CSMD1: variants seen among roughly 807,000 people sequenced by gnomAD.
CSMD1 encodes CUB and Sushi multiple domains 1.
Under a neutral mutation model 417.5 loss-of-function variants are expected in CSMD1, and 213 were observed. That is an observed-to-expected ratio of 0.51 (90% CI 0.46 to 0.57). CSMD1 has a LOEUF of 0.57. CSMD1 is among the 20% of genes least tolerant of loss of function. CSMD1 has a pLI of 0.00. For synonymous variants in CSMD1, 2,862 were observed against 1,736.8 expected (o/e 1.65, Z -16.11); for missense variants, 6,923 against 4,529.7 (o/e 1.53, Z -15.17).
chr8:3,308,298 G>A lies in CSMD1; in HGVS notation c.3823+14C>T, dbSNP rs995984969. 2.5e-6 allele frequency: 4 copies of A among 1,590,138 alleles called. No homozygotes were observed. Among genetic ancestry groups the A allele is most frequent in the African/African-American group, 1.3e-5 (1 of 74,560 alleles). Reference sequence around the variant, plus strand: ...CTGGCTTTTGCACAATGGTATGACTGCTTCCACACTCACCTATGCACGAAG... The same window carrying A: ...CTGGCTTTTGCACAATGGTATGACTACTTCCACACTCACCTATGCACGAAG... On this transcript the variant is annotated intron_variant, in intron 24 of 69. Transcript: ENST00000635120.
At chr8:4,175,149 C>CA (rs1182382664) in intron 3 of CSMD1, among the ~76,000 whole-genome samples, 2 of 152,088 alleles carry the variant, frequency 1.3e-5, no homozygotes, top group South Asian at 2.1e-4. Context: ...CCTCGACCAT[C>CA]AAGAAAGATC....
At chr8:3,767,597 C>G (rs541513183) in intron 5 of CSMD1, among the ~76,000 whole-genome samples, 23 of 152,090 alleles carry the variant, frequency 1.5e-4, no homozygotes, top group Admixed American at 4.6e-4. Context: ...GTGGATCTAT[C>G]TCTCAACTAT....
intron 8 of CSMD1, among the ~76,000 whole-genome samples, chr8:3,589,379 GGTGTGTGTGT>G (rs58729391): frequency 4.0e-5 from 6 of 150,054 alleles, no homozygotes; most frequent in African/African-American, 7.3e-5. Flanking sequence ...AAGAAAATGT[GGTGTGTGTGT>G]GTGTGTGTGT....
At chr8:4,878,032 T>A (rs1375278744) in intron 1 of CSMD1, among the ~76,000 whole-genome samples, 1 of 152,096 alleles carries the variant, frequency 6.6e-6, no homozygotes, top group Admixed American at 6.5e-5. Flanking sequence ...CATCACCACA[T>A]AAAACCTATT....
At chr8:3,843,084 T>A (rs1205694776) in intron 5 of CSMD1, among the ~76,000 whole-genome samples, 1 of 152,168 alleles carries the variant, frequency 6.6e-6, no homozygotes, top group Non-Finnish European at 1.5e-5. Flanking sequence ...TTCAGTATCG[T>A]TTTCTCTTTT....
intron 5 of CSMD1, among the ~76,000 whole-genome samples, chr8:3,832,412 A>G (rs766046403): frequency 2.0e-5 from 3 of 152,144 alleles, no homozygotes; most frequent in Admixed American, 1.3e-4. Flanking sequence ...TTAAACTACT[A>G]TATTTCTCTG....
At chr8:4,717,091 C>T (rs764231058) in intron 1 of CSMD1, among the ~76,000 whole-genome samples, 1 of 151,832 alleles carries the variant, frequency 6.6e-6, no homozygotes, top group Non-Finnish European at 1.5e-5. Flanking sequence ...TCCCTCTCTG[C>T]CCCGAGAAAA....
intron 3 of CSMD1, among the ~76,000 whole-genome samples, chr8:4,122,579 G>C (rs766084208): frequency 6.6e-6 from 1 of 152,104 alleles, no homozygotes; most frequent in Non-Finnish European, 1.5e-5. Flanking sequence ...GGAGGACATC[G>C]CATGCCCTAC....
intron 10 of CSMD1, among the ~76,000 whole-genome samples, chr8:3,499,923 A>G (rs1372968134): frequency 6.6e-6 from 1 of 152,044 alleles, no homozygotes; most frequent in Non-Finnish European, 1.5e-5. Flanking sequence ...ACCCGGTGTG[A>G]GTTCTCTCCC....
chr8:3,045,860 T>C (rs1202136675), intron 50 of CSMD1, among the ~76,000 whole-genome samples: 1 of 152,214 alleles, frequency 6.6e-6, no homozygotes, highest in African/African-American at 2.4e-5. Flanking sequence ...TGAAATTACA[T>C]ACCTCATAAT....
chr8:4,302,538 A>G (rs1276560314), intron 3 of CSMD1, among the ~76,000 whole-genome samples: 1 of 152,094 alleles, frequency 6.6e-6, no homozygotes, highest in African/African-American at 2.4e-5. Context: ...AGATTAAGAG[A>G]CCGTCTTGAA....
chr8:4,454,675 G>C (rs1237442148), intron 2 of CSMD1, among the ~76,000 whole-genome samples: 1 of 152,170 alleles, frequency 6.6e-6, no homozygotes, highest in African/African-American at 2.4e-5. Flanking sequence ...TATTATCTTA[G>C]CATGTTCTCT....
intron 1 of CSMD1, among the ~76,000 whole-genome samples, chr8:4,839,134 G>C (rs1225438002): frequency 6.6e-6 from 1 of 152,136 alleles, no homozygotes; most frequent in Non-Finnish European, 1.5e-5. Flanking sequence ...TTCTTCAAAA[G>C]CTGTGTGTCG....
chr8:4,698,903 AAC>A (rs71988727), intron 1 of CSMD1, among the ~76,000 whole-genome samples: 15,338 of 139,428 alleles, frequency 0.11, 933 homozygotes, highest in African/African-American at 0.18. Context: ...ATACCCTCCC[AAC>A]ACACACACAC....
chr8:4,047,278 A>G (rs1798196422), intron 3 of CSMD1, among the ~76,000 whole-genome samples: 1 of 152,118 alleles, frequency 6.6e-6, no homozygotes, highest in Admixed American at 6.6e-5. Context: ...CTGGAGTGGG[A>G]GGAAGGGAGG....
At chr8:4,072,947 T>C (rs1052482754) in intron 3 of CSMD1, among the ~76,000 whole-genome samples, 1 of 152,154 alleles carries the variant, frequency 6.6e-6, no homozygotes, top group Non-Finnish European at 1.5e-5. Flanking sequence ...CTTTCAAAAG[T>C]TTTTAAAATT....
chr8:3,022,839 C>T (rs1242899881), intron 51 of CSMD1, among the ~76,000 whole-genome samples: 1 of 152,136 alleles, frequency 6.6e-6, no homozygotes, highest in Non-Finnish European at 1.5e-5. Flanking sequence ...CCGTATAGAT[C>T]AGAGTCAGGA....
At chr8:4,105,612 A>T (rs1411278773) in intron 3 of CSMD1, among the ~76,000 whole-genome samples, 1 of 152,194 alleles carries the variant, frequency 6.6e-6, no homozygotes, top group African/African-American at 2.4e-5. Flanking sequence ...CAGAAGAGGA[A>T]ACAGGGAAAG....
chr8:4,232,558 C>A (rs1387422378), intron 3 of CSMD1, among the ~76,000 whole-genome samples: 3 of 152,162 alleles, frequency 2.0e-5, no homozygotes, highest in Admixed American at 2.0e-4. Flanking sequence ...CTTTTCTCCA[C>A]TCAAAAATGA....
Sources: allele counts gnomAD v4.1 joint callset (sites outside exome capture counted in the v4.1 genomes callset), GRCh38; gene constraint gnomAD v4.1.1; transcripts MANE v1.5; gene names NCBI Gene and HGNC (gene_info 2026-07-23, HGNC 2026-07-21).